The following ZFP28 variants were observed in gnomAD, a reference collection of about 807,000 sequenced individuals.
ZFP28 encodes ZFP28 zinc finger protein.
Under a neutral mutation model 39.5 loss-of-function variants are expected in ZFP28, and 31 were observed. The observed-to-expected ratio is 0.79, with a 90% CI of 0.59 to 1.06. The LOEUF is 1.06. ZFP28 is among the 50% of genes least tolerant of loss of function. The pLI is 0.00. For missense variants in ZFP28, 925 were observed against 1,048.4 expected, an observed-to-expected ratio of 0.88 and a Z score of 1.63; for synonymous variants, 400 against 378.6, an observed-to-expected ratio of 1.06 and a Z score of -0.66.
intron 4 of ZFP28, chr19:56,548,590 ACTTTCT>A (rs1447263017): frequency 6.3e-6 from 1 of 157,760 alleles, no homozygotes; most frequent in Non-Finnish European, 1.4e-5. Flanking sequence ...TATAGCCTCC[ACTTTCT>A]CTTTATATTA....
In ZFP28 at chr19:56,555,401, C is replaced by T. The variant is rs374329007; in HGVS notation, c.*9C>T. 130 of 1,588,186 alleles carry T rather than the reference C, an allele frequency of 8.2e-5. No homozygotes were observed. The African/African-American group carries it at 1.5e-3, about 19-fold the overall frequency. ...CCCTCCCATCACCATAGCCTCGAGA[C>T]GTCATTTCTGTTTGACTACTCCAGC... is the stretch of plus-strand genomic sequence containing the variant. On this transcript the variant is annotated 3_prime_UTR_variant, in exon 8 of 8. Transcript: ENST00000301318.
Position 56,554,026 on chromosome 19 carries a change from A to T in ZFP28, c.1241A>T (p.Tyr414Phe). 6.2e-7 allele frequency: 1 copy of T among 1,613,752 alleles called. No individual in the cohort carries two copies. Among genetic ancestry groups the T allele is most frequent in the Non-Finnish European group, 8.5e-7 (1 of 1,179,948 alleles). Residue 414 changes from tyrosine (Y) to phenylalanine (F), a missense_variant, in exon 8 of 8, where the codon TAT becomes TTT. By Grantham distance (22) the Tyr-to-Phe change is conservative. This residue lies in a region of ZFP28 where 556 missense variants were observed against 542.9 expected (regional missense o/e 1.02). Coordinates refer to ENST00000301318, the MANE Select transcript of ZFP28 (RefSeq NM_020828.2). The surrounding 1 kb of genome is among the most constrained non-coding windows in gnomAD (Gnocchi z 6.7). ...SSVVIKQTGI[Y>F]AGKKLFKCNE... Reference sequence around the variant, plus strand: ...GTGGTAATAAAACAAACAGGCATCTATGCAGGAAAAAAGCTTTTCAAGTGT... The same window carrying T: ...GTGGTAATAAAACAAACAGGCATCTTTGCAGGAAAAAAGCTTTTCAAGTGT...
intron 7 of ZFP28, chr19:56,552,906 G>C (rs1892804970): frequency 6.7e-6 from 1 of 149,634 alleles, no homozygotes; most frequent in South Asian, 2.1e-4. Context: ...CCTGTTTTTT[G>C]TTTGTTTTAT....
Position 56,547,596 on chromosome 19 carries a change from A to C in ZFP28, c.389A>C (p.Lys130Thr). The C allele has an allele frequency of 6.2e-7, 1 of 1,613,682 alleles. No homozygotes were observed. The highest frequency in any genetic ancestry group is 8.5e-7 in the Non-Finnish European group (1 of 1,179,748). ...CCCATTCAGAGGAACTTGTACAGGA[A>C]GGTGATGTTGGAGAACTACAGGAAC... ...LNPIQRNLYR[K>T]VMLENYRNLA... The change falls in exon 3 of 8, where the codon AAG becomes ACG. Residue 130 changes from lysine (K) to threonine (T), a missense_variant. Coordinates refer to ENST00000301318, the MANE Select transcript of ZFP28 (RefSeq NM_020828.2). The surrounding 1 kb of genome is among the most constrained non-coding windows in gnomAD (Gnocchi z 4.6).
chr19:56,542,749 G>A (rs2044206582), intron 2 of ZFP28, among the ~76,000 whole-genome samples: 1 of 147,578 alleles, frequency 6.8e-6, no homozygotes, highest in African/African-American at 2.5e-5. Context: ...AATGTGCTTC[G>A]TCCCTGATTT....
At chr19:56,549,269 G>C (rs1056423709) in intron 5 of ZFP28, 148 bp downstream of exon 5, 5 of 899,872 alleles carry the variant, frequency 5.6e-6, no homozygotes, top group Non-Finnish European at 6.4e-6. Context: ...CCTCAGAACA[G>C]AGAGTGCCTA....
intron 5 of ZFP28, 151 bp from the exon 6 acceptor site, chr19:56,549,916 C>T: frequency 5.0e-6 from 3 of 601,980 alleles, no homozygotes; most frequent in Non-Finnish European, 8.9e-6. Context: ...ATAACTAAGC[C>T]CTGTCATTAT....
chr19:56,537,187 G>T (rs548018832), upstream of ZFP28, among the ~76,000 whole-genome samples: 3 of 152,300 alleles, frequency 2.0e-5, no homozygotes, highest in Admixed American at 6.5e-5. Context: ...AAGCGACTTT[G>T]CCCACATTCT....
intron 7 of ZFP28, among the ~76,000 whole-genome samples, 157 bp from the exon 8 acceptor site, chr19:56,553,527 C>A (rs1263843988): frequency 6.6e-6 from 1 of 152,144 alleles, no homozygotes; most frequent in Non-Finnish European, 1.5e-5. Context: ...AGGTGTAAGC[C>A]ACTGTGCCTG....
At chr19:56,550,420 C>T (rs62124074) in intron 6 of ZFP28, 90 bp from the exon 7 acceptor site, 10 of 1,159,338 alleles carry the variant, frequency 8.6e-6, no homozygotes, top group Admixed American at 2.1e-5. Flanking sequence ...TTTCTTTCAG[C>T]AGTAACACTT....
At chr19:56,541,017 T>G (rs2044190968) in intron 2 of ZFP28, among the ~76,000 whole-genome samples, 1 of 152,176 alleles carries the variant, frequency 6.6e-6, no homozygotes, top group African/African-American at 2.4e-5. Context: ...CTGTTCCTTG[T>G]CTGTACAACC....
Position 56,539,816 on chromosome 19 carries a change from T to G in ZFP28, c.300+100T>G, listed in dbSNP as rs1600537727. 17 of 1,081,434 alleles carry G rather than the reference T, an allele frequency of 1.6e-5. No individual in the cohort carries two copies. In the South Asian group the frequency reaches 2.5e-4, roughly 16 times the overall value. The allele number at this position is 1,081,434 out of a possible 1,614,324, so 67.0% of individuals were successfully genotyped here. On this transcript the variant is annotated intron_variant, in intron 2 of 7. Transcript: ENST00000301318. The stretch of plus-strand genomic sequence containing the variant: ...AAAGTTTTCAGTTTAAGAGACCTGT[T>G]TGGGCGCGGGTTTCTATTTCTTCAC...
rs182048519 is a variant in ZFP28 at position 56,547,051 on chromosome 19, T to C, written c.301-457T>C. The C allele has an allele frequency of 3.0e-5, 5 of 169,104 alleles. No homozygotes were observed. The South Asian group carries it at 4.0e-4, about 13-fold the overall frequency. 10.5% of individuals were successfully genotyped at this position (169,104 alleles called of 1,614,324 possible). On this transcript the variant is annotated intron_variant, in intron 2 of 7. Coordinates refer to ENST00000301318, the MANE Select transcript of ZFP28 (RefSeq NM_020828.2). This position sits in a 1 kb window ranked among gnomAD's most constrained non-coding sequence, Gnocchi z 4.6. ...TGAAGACAAGGAATCTTTAGATCCC[T>C]ATATTAGTTTGTTAGGGCTGCCAGA...
At chr19:56,551,268 G>A in intron 7 of ZFP28, 2 of 986,594 alleles carry the variant, frequency 2.0e-6, no homozygotes, top group East Asian at 2.3e-4. Flanking sequence ...GGGAAAGAAA[G>A]GAAATTTCCA....
In ZFP28 at chr19:56,553,958, A is replaced by G. The variant is rs2044327092; in HGVS notation, c.1173A>G (p.Lys391=). 1 of 1,612,850 alleles carries G rather than the reference A, an allele frequency of 6.2e-7. No individual in the cohort carries two copies. The highest frequency in any genetic ancestry group is 8.5e-7 in the Non-Finnish European group (1 of 1,179,724). ...RWFYLDDSEE[K]VHNRDSIKNF... ...TCTATTTGGACGATTCAGAAGAGAA[A>G]GTTCATAATCGTGATTCAATTAAAA... The change falls in exon 8 of 8, where the codon AAA becomes AAG. Residue 391 remains lysine (K), a synonymous_variant. Coordinates refer to ENST00000301318, the MANE Select transcript of ZFP28 (RefSeq NM_020828.2).
intron 2 of ZFP28, among the ~76,000 whole-genome samples, chr19:56,542,258 G>A (rs1209086712): frequency 6.6e-6 from 1 of 152,026 alleles, no homozygotes; most frequent in Non-Finnish European, 1.5e-5. Flanking sequence ...GGCTCAAGCA[G>A]TGCTCCCATC....
chr19:56,548,504 T>C (rs2044263712), intron 4 of ZFP28: 1 of 153,202 alleles, frequency 6.5e-6, no homozygotes, highest in African/African-American at 2.4e-5. Context: ...GATGAAATTT[T>C]TTCTAGATGA....
At chr19:56,541,662 C>CA (rs2044196265) in intron 2 of ZFP28, among the ~76,000 whole-genome samples, 1 of 152,052 alleles carries the variant, frequency 6.6e-6, no homozygotes, top group Non-Finnish European at 1.5e-5. Context: ...TTTTCCTGCT[C>CA]ACCCTGTCTA....
Position 56,549,009 on chromosome 19 carries a change from GC to G in ZFP28, c.576del (p.Cys192TrpfsTer9). 6.2e-7 allele frequency: 1 copy of G among 1,614,114 alleles called. No individual in the cohort carries two copies. The highest frequency in any genetic ancestry group is 8.5e-7 in the Non-Finnish European group (1 of 1,180,006). On this transcript the variant is annotated frameshift_variant, in exon 5 of 8. Coordinates refer to ENST00000301318, the MANE Select transcript of ZFP28 (RefSeq NM_020828.2). LOFTEE classifies it high-confidence loss of function. ...IKELPLKKDFCEGKLSQAVIT... is the reference protein window; with the variant it reads ...IKELPLKKDFXEGKLSQAVIT... ...GAGTTACCTCTCAAGAAGGACTTCT[GC>G]GAAGGAAAGCTATCCCAGGCAGTGA...
Sources: allele counts gnomAD v4.1 joint callset (sites outside exome capture counted in the v4.1 genomes callset), GRCh38; gene constraint gnomAD v4.1.1; regional missense constraint gnomAD v4.1.1; non-coding constraint Gnocchi (gnomAD v3.1); transcripts MANE v1.5; gene names NCBI Gene and HGNC (gene_info 2026-07-23, HGNC 2026-07-21).